The following IL33 variants were observed in gnomAD, a reference collection of about 807,000 sequenced individuals.
IL33 encodes interleukin-33.
A neutral mutation model predicts 27.3 loss-of-function variants in IL33; 37 were observed. That is an observed-to-expected ratio of 1.36 (90% confidence interval 1.04 to 1.78). The LOEUF is 1.78. Ranked by LOEUF, IL33 falls within the 40% of genes most tolerant of loss-of-function variation. The pLI, the probability that IL33 is intolerant of heterozygous loss-of-function variation, is 0.00. For synonymous variants in IL33, 132 were observed against 102.9 expected (o/e 1.28, Z -1.71); for missense variants, 406 against 311.4 (o/e 1.30, Z -2.29).
intron 2 of IL33, among the ~76,000 whole-genome samples, chr9:6,249,833 G>C (rs1159328308): frequency 2.0e-5 from 3 of 152,172 alleles, no homozygotes; most frequent in African/African-American, 7.2e-5. Flanking sequence ...ATTAAATGGA[G>C]ACATATGTAA....
Position 6,253,690 on chromosome 9 carries a change from G to A in IL33, c.520+88G>A, listed in dbSNP as rs562550122. ...CAAAAAAATCCTTTTTGCCCCATAGGAAAAAAGATAGTCTCAGAAGGTTAT... is the reference window on the plus strand; with the variant it reads ...CAAAAAAATCCTTTTTGCCCCATAGAAAAAAAGATAGTCTCAGAAGGTTAT... On this transcript the variant is annotated intron_variant, in intron 6 of 7. Transcript: ENST00000682010. The A allele has an allele frequency of 1.5e-3, 1,527 of 1,018,704 alleles. 5 individuals are homozygous for A. The highest frequency in any genetic ancestry group is 2.1e-3 in the Non-Finnish European group (1,405 of 676,118). 63.1% of individuals were successfully genotyped at this position (1,018,704 alleles called of 1,614,324 possible).
At chr9:6,239,602 C>A (rs1819415407) in intron 1 of IL33, among the ~76,000 whole-genome samples, 1 of 151,702 alleles carries the variant, frequency 6.6e-6, no homozygotes, top group South Asian at 2.1e-4. Flanking sequence ...TTTTCAGGGC[C>A]CCTCTCTGCA....
At chr9:6,219,961 C>T (rs1002608754) in intron 1 of IL33, among the ~76,000 whole-genome samples, 14 of 152,206 alleles carry the variant, frequency 9.2e-5, no homozygotes, top group Admixed American at 2.6e-4. Context: ...CAAACTACTT[C>T]ATTTAGTGCA....
At chr9:6,223,654 A>G (rs902029307) in intron 1 of IL33, among the ~76,000 whole-genome samples, 1 of 152,192 alleles carries the variant, frequency 6.6e-6, no homozygotes, top group Non-Finnish European at 1.5e-5. Context: ...GTTGTTTGCC[A>G]TTTCTTTAAA....
intron 1 of IL33, among the ~76,000 whole-genome samples, chr9:6,236,349 C>T (rs956577942): frequency 1.3e-5 from 2 of 152,140 alleles, no homozygotes; most frequent in East Asian, 1.9e-4. Flanking sequence ...GGATCTACCA[C>T]GCATACACTT....
rs1291831284 is a variant in IL33 at position 6,252,956 on chromosome 9, T to C, written c.434T>C (p.Ile145Thr). 1.3e-6 allele frequency: 2 copies of C among 1,586,690 alleles called. No homozygotes were observed. The highest frequency in any genetic ancestry group is 1.7e-6 in the Non-Finnish European group (2 of 1,158,658). The change falls in exon 5 of 8, where the codon ATA becomes ACA. Residue 145 changes from isoleucine to threonine, a missense_variant. Transcript: ENST00000682010. The stretch of plus-strand genomic sequence containing the variant: ...GCTTTGGAGGATGAAAGTTATGAGA[T>C]ATATGTTGAAGACTTGAAAAAAGAT... ...TFALEDESYE[I>T]YVEDLKKDEK... is the part of the protein sequence containing the mutation.
intron 1 of IL33, among the ~76,000 whole-genome samples, chr9:6,240,535 A>T (rs1331139521): frequency 6.6e-6 from 1 of 152,220 alleles, no homozygotes; most frequent in Non-Finnish European, 1.5e-5. Context: ...GTGTATCTAA[A>T]CATATCTAAA....
chr9:6,244,169 C>A (rs1287245403), intron 2 of IL33, among the ~76,000 whole-genome samples: 2 of 152,108 alleles, frequency 1.3e-5, no homozygotes, highest in South Asian at 2.1e-4. Flanking sequence ...TAAAATGTAA[C>A]CCCTCCTTTA....
At chr9:6,224,655 G>T (rs1818552543) in intron 1 of IL33, among the ~76,000 whole-genome samples, 1 of 152,144 alleles carries the variant, frequency 6.6e-6, no homozygotes, top group African/African-American at 2.4e-5. Context: ...AATTTCAAAT[G>T]CTCTCCTACT....
chr9:6,225,635 T>A (rs889565834), intron 1 of IL33, among the ~76,000 whole-genome samples: 1 of 152,254 alleles, frequency 6.6e-6, no homozygotes, highest in Admixed American at 6.5e-5. Flanking sequence ...ACTCTAAGAC[T>A]GTAAACTTCC....
At chr9:6,228,617 G>C (rs1818765592) in intron 1 of IL33, among the ~76,000 whole-genome samples, 2 of 152,010 alleles carry the variant, frequency 1.3e-5, no homozygotes, top group South Asian at 4.2e-4. Context: ...AGTGCTCTGG[G>C]AAGCCAAGGT....
intron 2 of IL33, chr9:6,242,557 A>C (rs576269257): frequency 6.6e-6 from 1 of 152,368 alleles, no homozygotes; most frequent in Middle Eastern, 3.4e-3. Context: ...TGTTAACATC[A>C]CATGTAGGAA....
chr9:6,218,583 A>T (rs1321614827), intron 1 of IL33, among the ~76,000 whole-genome samples: 1 of 149,608 alleles, frequency 6.7e-6, no homozygotes, highest in Non-Finnish European at 1.5e-5. Context: ...GCATTGAGAT[A>T]ATATATATAT....
rs193218191 is a variant in IL33 at position 6,227,928 on chromosome 9, C to G, written c.-12+12076C>G. ...GCAACGGATTTGGATTCCTCCACCC[C>G]TTTCCTGAAGTACCTCATGAACTCT... is the stretch of plus-strand genomic sequence containing the variant. On this transcript the variant is annotated intron_variant, in intron 1 of 7. Transcript: ENST00000682010. 1.6e-3 allele frequency among the ~76,000 whole-genome samples: 246 copies of G among 152,296 alleles called. 1 individual carries two copies. The highest frequency in any genetic ancestry group is 0.014 in the Middle Eastern group (4 of 294).
chr9:6,239,395 A>G (rs1347789760), intron 1 of IL33, among the ~76,000 whole-genome samples: 4 of 152,142 alleles, frequency 2.6e-5, no homozygotes, highest in Admixed American at 2.6e-4. Context: ...AAGGGAAGTC[A>G]AACAACATGA....
intron 2 of IL33, 26 bp downstream of exon 2, chr9:6,241,811 G>A: frequency 6.8e-7 from 1 of 1,468,770 alleles, no homozygotes; most frequent in Non-Finnish European, 9.4e-7. Context: ...ATCTCTGAAT[G>A]TTTTACGCAC....
At chr9:6,236,650 T>G (rs1191286954) in intron 1 of IL33, among the ~76,000 whole-genome samples, 2 of 152,194 alleles carry the variant, frequency 1.3e-5, no homozygotes, top group Non-Finnish European at 2.9e-5. Flanking sequence ...GGAGGATCAC[T>G]TGCGGTCAGG....
At chr9:6,240,262 A>G (rs544975020) in intron 1 of IL33, among the ~76,000 whole-genome samples, 181 of 152,326 alleles carry the variant, frequency 1.2e-3, no homozygotes, top group African/African-American at 4.1e-3. Context: ...TTAGGGAGAC[A>G]TGAGACTTCA....
intron 1 of IL33, among the ~76,000 whole-genome samples, chr9:6,227,623 A>T (rs1161554343): frequency 6.6e-6 from 1 of 152,152 alleles, no homozygotes. Context: ...TCTACTCTTT[A>T]CAAAGTTTTG....
Sources: allele counts gnomAD v4.1 joint callset (sites outside exome capture counted in the v4.1 genomes callset), GRCh38; gene constraint gnomAD v4.1.1; transcripts MANE v1.5; gene names NCBI Gene and HGNC (gene_info 2026-07-23, HGNC 2026-07-21).